KCNMA1: variants seen among roughly 807,000 people sequenced by gnomAD.
KCNMA1 encodes the protein Calcium-activated potassium channel subunit alpha-1.
A neutral mutation model predicts 140.0 loss-of-function variants in KCNMA1; 29 were observed. That is an observed-to-expected ratio of 0.21 (90% CI 0.15 to 0.28). The LOEUF is 0.28. Ranked by LOEUF, KCNMA1 falls within the 10% of genes least tolerant of loss-of-function variation. The pLI is 1.00. For synonymous variants in KCNMA1, 612 were observed against 611.9 expected, an observed-to-expected ratio of 1.00 and a Z score of 0.00; for missense variants, 880 against 1,602.2, an observed-to-expected ratio of 0.55 and a Z score of 7.70.
Position 77,637,627 on chromosome 10 carries a change from C to T in KCNMA1, c.16G>A (p.Gly6Ser), listed in dbSNP as rs914048941. Residue 6 changes from glycine (G) to serine (S), a missense_variant, in exon 1 of 28, where the codon GGC becomes AGC. Transcript: ENST00000286628. MANGGGGGGGSSGGGG... is the reference protein window; with the variant it reads MANGGSGGGGSSGGGG... ...CCGCCGCTGCTGCCGCCGCCGCCGCCGCCACCATTTGCCATAGCTAGCAAC... is the reference window on the plus strand; with the variant it reads ...CCGCCGCTGCTGCCGCCGCCGCCGCTGCCACCATTTGCCATAGCTAGCAAC... The T allele has an allele frequency of 1.3e-4, 197 of 1,523,288 alleles. No homozygotes were observed. Among genetic ancestry groups the T allele is most frequent in the Non-Finnish European group, 1.5e-4 (174 of 1,140,290 alleles). The allele number at this position is 1,523,288 out of a possible 1,614,324, so 94.4% of individuals were successfully genotyped here.
At chr10:77,472,224 C>G (rs575276125) in intron 1 of KCNMA1, among the ~76,000 whole-genome samples, 2 of 151,588 alleles carry the variant, frequency 1.3e-5, no homozygotes, top group Non-Finnish European at 2.9e-5. Flanking sequence ...TACACACACA[C>G]TATACATACA....
intron 10 of KCNMA1, among the ~76,000 whole-genome samples, chr10:77,089,656 T>A (rs920866090): frequency 6.6e-6 from 1 of 152,204 alleles, no homozygotes; most frequent in African/African-American, 2.4e-5. Flanking sequence ...TATTGAAGAC[T>A]TACTGCACGC....
chr10:76,902,764 C>T (rs1194019712), intron 25 of KCNMA1: 3 of 152,114 alleles, frequency 2.0e-5, no homozygotes, highest in Non-Finnish European at 2.9e-5. Context: ...CCTAACTTTT[C>T]TCTGCCTTGA....
At chr10:77,292,479 G>A (rs2073597219) in intron 2 of KCNMA1, among the ~76,000 whole-genome samples, 1 of 152,200 alleles carries the variant, frequency 6.6e-6, no homozygotes, top group South Asian at 2.1e-4. Context: ...TTCTGGCACT[G>A]TTGCCAACTG....
In KCNMA1 at chr10:77,086,556, G is replaced by T. The variant is rs1328294721; in HGVS notation, c.1372C>A (p.Arg458=). The change falls in exon 11 of 28, where the codon CGA becomes AGA. Residue 458 remains arginine (R), a synonymous_variant. Coordinates refer to ENST00000286628, the MANE Select transcript of KCNMA1 (RefSeq NM_001161352.2). ...PNLELEALFK[R]HFTQVEFYQG... is the part of the protein sequence containing the mutation. ...TAAAATTCCACCTGAGTAAAATGTC[G>T]TTTGAACAGAGCTTCAAGCTCCAGG... The T allele has an allele frequency of 6.2e-7, 1 of 1,613,984 alleles. No individual in the cohort carries two copies.
chr10:77,449,714 C>T (rs1391950609), intron 1 of KCNMA1, among the ~76,000 whole-genome samples: 1 of 150,196 alleles, frequency 6.7e-6, no homozygotes, highest in Non-Finnish European at 1.5e-5. Flanking sequence ...GGGATGTCAG[C>T]CCACTGCAAG....
chr10:77,096,578 T>C (rs2096938504), intron 9 of KCNMA1, among the ~76,000 whole-genome samples: 1 of 152,192 alleles, frequency 6.6e-6, no homozygotes, highest in Non-Finnish European at 1.5e-5. Flanking sequence ...GAAGACAATG[T>C]AAAATGCACA....
chr10:77,455,393 G>A (rs1243206355), intron 1 of KCNMA1, among the ~76,000 whole-genome samples: 2 of 152,168 alleles, frequency 1.3e-5, no homozygotes, highest in Non-Finnish European at 2.9e-5. Context: ...TGGTCACGAT[G>A]ATGAGTGGGA....
At chr10:77,058,763 C>A (rs898629389) in intron 14 of KCNMA1, among the ~76,000 whole-genome samples, 1 of 151,814 alleles carries the variant, frequency 6.6e-6, no homozygotes, top group Admixed American at 6.6e-5. Context: ...AAAGCAGGGA[C>A]CAGGAAGAAA....
At chr10:77,033,872 T>C (rs534771594) in intron 15 of KCNMA1, among the ~76,000 whole-genome samples, 1 of 152,308 alleles carries the variant, frequency 6.6e-6, no homozygotes, top group South Asian at 2.1e-4. Context: ...TATTCATATA[T>C]GTTCAACCCT....
At chr10:77,538,840 G>T (rs1010987094) in intron 1 of KCNMA1, among the ~76,000 whole-genome samples, 1 of 152,198 alleles carries the variant, frequency 6.6e-6, no homozygotes, top group African/African-American at 2.4e-5. Flanking sequence ...GCCTGTGAAG[G>T]GCTGGTTGTC....
chr10:76,954,971 C>T (rs2152997638), intron 20 of KCNMA1, among the ~76,000 whole-genome samples: 1 of 152,282 alleles, frequency 6.6e-6, no homozygotes, highest in African/African-American at 2.4e-5. Context: ...AGTGATTCAG[C>T]ACCTCGGGTT....
chr10:76,986,533 T>C (rs2081310020), intron 19 of KCNMA1, among the ~76,000 whole-genome samples: 1 of 152,214 alleles, frequency 6.6e-6, no homozygotes, highest in South Asian at 2.1e-4. Flanking sequence ...GGAGCAATTC[T>C]GGACAGATGC....
At chr10:76,893,521 G>C (rs2041127852) in intron 25 of KCNMA1, among the ~76,000 whole-genome samples, 2 of 152,026 alleles carry the variant, frequency 1.3e-5, no homozygotes, top group African/African-American at 2.4e-5. Context: ...TTGAGGTCAG[G>C]AGTGAGGTCA....
chr10:77,401,721 A>T (rs2096273660), intron 2 of KCNMA1, among the ~76,000 whole-genome samples: 1 of 151,986 alleles, frequency 6.6e-6, no homozygotes, highest in South Asian at 2.1e-4. Flanking sequence ...TTAAGCCTGG[A>T]TATGTTTTTA....
At chr10:77,452,671 G>A (rs545924112) in intron 1 of KCNMA1, among the ~76,000 whole-genome samples, 8 of 152,324 alleles carry the variant, frequency 5.3e-5, no homozygotes, top group Non-Finnish European at 1.2e-4. Context: ...AACCACAGCT[G>A]TAAGTTGGGG....
intron 5 of KCNMA1, among the ~76,000 whole-genome samples, chr10:77,151,176 T>C (rs1010666803): frequency 1.4e-5 from 2 of 144,662 alleles, no homozygotes; most frequent in African/African-American, 5.2e-5. Flanking sequence ...TTTCTTTCTT[T>C]CCTTTCTTTC....
chr10:77,321,475 C>T (rs1353118442), intron 2 of KCNMA1, among the ~76,000 whole-genome samples: 1 of 151,946 alleles, frequency 6.6e-6, no homozygotes, highest in African/African-American at 2.4e-5. Context: ...GTCAGTAAAA[C>T]CACACACACA....
At chr10:76,873,180 T>C (rs1349354200), downstream of KCNMA1, 23 of 152,188 alleles carry the variant, frequency 1.5e-4, no homozygotes, top group Admixed American at 1.5e-3. Flanking sequence ...CTGTGGTCTC[T>C]TAAGAAATAA....
Sources: allele counts gnomAD v4.1 joint callset (sites outside exome capture counted in the v4.1 genomes callset), GRCh38; gene constraint gnomAD v4.1.1; transcripts MANE v1.5; gene names NCBI Gene and HGNC (gene_info 2026-07-23, HGNC 2026-07-21).